SLC12A6: variants seen among roughly 807,000 people sequenced by gnomAD.
SLC12A6 encodes solute carrier family 12 member 6.
In SLC12A6, 66 loss-of-function variants were observed where a neutral mutation model predicts 135.3. The ratio of observed to expected loss-of-function variants is 0.49; its 90% CI spans 0.40 to 0.60. SLC12A6 has a LOEUF of 0.60. Among genes scored for constraint, SLC12A6 ranks in the 20% least tolerant of loss-of-function variants. The pLI is 0.00. For synonymous variants in SLC12A6, 513 were observed against 508.8 expected (o/e 1.01, Z -0.11); for missense variants, 1,058 against 1,452.3 (o/e 0.73, Z 4.41).
chr15:34,258,972 G>A, intron 4 of SLC12A6, 28 bp from the exon 5 acceptor site: 1 of 1,579,090 alleles, frequency 6.3e-7, no homozygotes, highest in South Asian at 1.1e-5. Context: ...TGGAAGAAAT[G>A]AGCTACAAAG....
intron 9 of SLC12A6, 65 bp downstream of exon 9, chr15:34,254,283 C>A (rs2140716253): frequency 2.0e-6 from 3 of 1,480,236 alleles, no homozygotes; most frequent in East Asian, 2.3e-5. Context: ...TTAAAATTAT[C>A]ACACCACCAG....
intron 2 of SLC12A6, among the ~76,000 whole-genome samples, chr15:34,301,326 A>G (rs1896243753): frequency 6.6e-6 from 1 of 152,190 alleles, no homozygotes; most frequent in Admixed American, 6.5e-5. Flanking sequence ...ATTAGTTTTA[A>G]TAAAGGCTGA....
intron 9 of SLC12A6, 42 bp from the exon 10 acceptor site, chr15:34,252,426 A>C (rs751811676): frequency 1.7e-6 from 2 of 1,187,392 alleles, no homozygotes; most frequent in Admixed American, 3.4e-5. Flanking sequence ...GTAAGGAAAA[A>C]AAGTACATTA....
chr15:34,268,151 A>G (rs1300035194), intron 3 of SLC12A6, among the ~76,000 whole-genome samples: 1 of 152,150 alleles, frequency 6.6e-6, no homozygotes, highest in Non-Finnish European at 1.5e-5. Context: ...TGCTGTTACA[A>G]AAATCTGGCA....
At chr15:34,315,756 C>T (rs114585744) in intron 2 of SLC12A6, among the ~76,000 whole-genome samples, 2 of 152,058 alleles carry the variant, frequency 1.3e-5, no homozygotes, top group South Asian at 2.1e-4. Flanking sequence ...GAGACTGAGG[C>T]GGGCGGATCA....
chr15:34,248,690 G>C (rs1359798237), intron 13 of SLC12A6, among the ~76,000 whole-genome samples: 2 of 152,138 alleles, frequency 1.3e-5, no homozygotes, highest in Non-Finnish European at 1.5e-5. Context: ...AGAGCTCAAC[G>C]TGTAGGGGAG....
chr15:34,266,738 A>G (rs958047315), intron 3 of SLC12A6, among the ~76,000 whole-genome samples: 6 of 152,210 alleles, frequency 3.9e-5, no homozygotes, highest in Non-Finnish European at 5.9e-5. Context: ...GGCTGGCACA[A>G]CAATTTTAGA....
chr15:34,333,114 CAT>C (rs901970092), intron 2 of SLC12A6, among the ~76,000 whole-genome samples: 37 of 152,036 alleles, frequency 2.4e-4, no homozygotes, highest in African/African-American at 6.3e-4. Context: ...TTAGCTCTAA[CAT>C]GTGGTGCTTT....
intron 3 of SLC12A6, 138 bp downstream of exon 3, chr15:34,275,207 C>T (rs141667290): frequency 1.6e-4 from 88 of 560,934 alleles, no homozygotes; most frequent in African/African-American, 1.5e-3. Flanking sequence ...GGAATAGAAA[C>T]AGCAGGAAAA....
In SLC12A6 at chr15:34,258,864, C is replaced by T. The variant is rs1195819037; in HGVS notation, c.492G>A (p.Lys164=). Reference sequence around the variant, plus strand: ...TGATGTTTTCTGCCTCTTCATGTTCCTTTGCTCCTTGAGTCAGATTAGTGT... The same window carrying T: ...TGATGTTTTCTGCCTCTTCATGTTCTTTTGCTCCTTGAGTCAGATTAGTGT... The part of the protein sequence containing the change: ...ANYTNLTQGA[K]EHEEAENITE... The change falls in exon 5 of 26, where the codon AAG becomes AAA. Residue 164 remains lysine (K), a synonymous_variant. Transcript: ENST00000354181. 6.2e-7 allele frequency: 1 copy of T among 1,613,308 alleles called. No individual in the cohort carries two copies. Among genetic ancestry groups the T allele is most frequent in the Non-Finnish European group, 8.5e-7 (1 of 1,179,414 alleles).
chr15:34,329,589 G>A (rs532320964), intron 2 of SLC12A6, among the ~76,000 whole-genome samples: 11 of 152,014 alleles, frequency 7.2e-5, no homozygotes, highest in African/African-American at 2.7e-4. Context: ...ACTTAGTGAG[G>A]ACACAGAAGA....
At position 34,254,409 on chromosome 15, in the gene SLC12A6, C is replaced by G; in HGVS notation, c.1057G>C (p.Val353Leu). Residue 353 changes from valine (V) to leucine (L), a missense_variant, in exon 9 of 26, where the codon GTG becomes CTG. Transcript: ENST00000354181. ...CCAGCATAGATGGCCAAGATGGACA[C>G]AATGACACAGGCCAGGAAAAGTGAG... ...FASLFLACVI[V>L]SILAIYAGAI... 1 of 1,613,434 alleles carries G rather than the reference C, an allele frequency of 6.2e-7. No individual in the cohort carries two copies. The highest frequency in any genetic ancestry group is 8.5e-7 in the Non-Finnish European group (1 of 1,179,364).
chr15:34,320,439 T>A (rs1435039302), intron 2 of SLC12A6, among the ~76,000 whole-genome samples: 1 of 151,898 alleles, frequency 6.6e-6, no homozygotes, highest in Admixed American at 6.6e-5. Flanking sequence ...GCTAAAAATG[T>A]GGATCTCATG....
At chr15:34,314,530 A>G (rs188124562) in intron 2 of SLC12A6, among the ~76,000 whole-genome samples, 17 of 152,348 alleles carry the variant, frequency 1.1e-4, no homozygotes, top group Non-Finnish European at 1.5e-5. Flanking sequence ...TCTTTGATCC[A>G]TCTGCAGCTT....
chr15:34,287,716 C>A (rs1895198535), intron 2 of SLC12A6, among the ~76,000 whole-genome samples: 1 of 152,216 alleles, frequency 6.6e-6, no homozygotes, highest in South Asian at 2.1e-4. Context: ...ATTTGCATTT[C>A]TCTGATGACC....
chr15:34,256,336 A>G (rs1025856172), intron 6 of SLC12A6, 53 bp from the exon 7 acceptor site: 47 of 1,216,218 alleles, frequency 3.9e-5, no homozygotes, highest in Non-Finnish European at 5.3e-5. Flanking sequence ...TGACATTTCT[A>G]TACTACTTCT....
intron 15 of SLC12A6, among the ~76,000 whole-genome samples, chr15:34,245,026 G>A (rs1395305379): frequency 6.6e-6 from 1 of 152,154 alleles, no homozygotes; most frequent in Non-Finnish European, 1.5e-5. Flanking sequence ...AACTAACAGT[G>A]GTGGTAAAAG....
In SLC12A6 at chr15:34,245,795, A is replaced by G. The variant is rs373670366; in HGVS notation, c.1722T>C (p.Ile574=). 6.2e-7 allele frequency: 1 copy of G among 1,613,444 alleles called. No individual in the cohort carries two copies. Among genetic ancestry groups the G allele is most frequent in the African/African-American group, 1.3e-5 (1 of 74,926 alleles). ...CCCCACATGTTGAAAAGAAGGAGCC[A>G]ATAACAATCACCCATGGGGATGGCC... The part of the protein sequence containing the change: ...LSWPSPWVIV[I]GSFFSTCGAG... The change falls in exon 14 of 26, where the codon ATT becomes ATC. Residue 574 remains isoleucine, a synonymous_variant. Coordinates refer to ENST00000354181, the MANE Select transcript of SLC12A6 (RefSeq NM_001365088.1).
chr15:34,301,045 T>C (rs1332199815), intron 2 of SLC12A6, among the ~76,000 whole-genome samples: 2 of 152,262 alleles, frequency 1.3e-5, no homozygotes, highest in Middle Eastern at 6.8e-3. Context: ...CTCGGCTCAC[T>C]GCAACCTCCG....
Sources: allele counts gnomAD v4.1 joint callset (sites outside exome capture counted in the v4.1 genomes callset), GRCh38; gene constraint gnomAD v4.1.1; transcripts MANE v1.5; gene names NCBI Gene and HGNC (gene_info 2026-07-23, HGNC 2026-07-21).